The following ABLIM2 variants were observed in gnomAD, a reference collection of about 807,000 sequenced individuals.
ABLIM2 encodes the protein actin-binding LIM protein 2.
Under a neutral mutation model 97.7 loss-of-function variants are expected in ABLIM2, and 53 were observed. The ratio of observed to expected loss-of-function variants is 0.54; its 90% CI spans 0.44 to 0.68. The LOEUF (loss-of-function observed/expected upper bound fraction) is 0.68, where lower values mean the gene tolerates loss of function less well. ABLIM2 is among the 30% of genes least tolerant of loss of function. The pLI is 0.00. For synonymous variants in ABLIM2, 361 were observed against 345.8 expected (o/e 1.04, Z -0.49); for missense variants, 835 against 867.2 (o/e 0.96, Z 0.47).
At chr4:8,037,604 A>G in intron 9 of ABLIM2, among the ~76,000 whole-genome samples, 1 of 151,472 alleles carries the variant, frequency 6.6e-6, no homozygotes, top group Non-Finnish European at 1.5e-5. Flanking sequence ...TTCACCCACA[A>G]ACGTGCATGC....
chr4:8,065,244 C>A (rs1018250855), intron 6 of ABLIM2, among the ~76,000 whole-genome samples: 2 of 152,110 alleles, frequency 1.3e-5, no homozygotes, highest in Non-Finnish European at 2.9e-5. Flanking sequence ...AGAGTGAAAC[C>A]CAGACTCTTA....
intron 18 of ABLIM2, 81 bp downstream of exon 18, chr4:7,984,758 G>T (rs1002377407): frequency 4.2e-6 from 6 of 1,428,086 alleles, no homozygotes; most frequent in Non-Finnish European, 5.7e-6. Flanking sequence ...TGCGGATGGG[G>T]TGGTTTCAGA....
rs376522505 is a variant in ABLIM2 at position 8,059,984 on chromosome 4, C to T, written c.763+983G>A. Among the ~76,000 whole-genome samples, 180 of 151,798 alleles carry T rather than the reference C, an allele frequency of 1.2e-3. 1 individual carries two copies. Among genetic ancestry groups the T allele is most frequent in the African/African-American group, 4.3e-3 (177 of 41,372 alleles). The stretch of plus-strand genomic sequence containing the variant: ...ATCTGCCCCTGCGTGTCCTGTGTGT[C>T]CTCATTTCTCTGGGCCACCCTTTGC... On this transcript the variant is annotated intron_variant, in intron 7 of 20. Coordinates refer to ENST00000447017, the MANE Select transcript of ABLIM2 (RefSeq NM_001130083.2).
At chr4:8,137,807 C>T (rs1192048004) in intron 1 of ABLIM2, among the ~76,000 whole-genome samples, 1 of 152,238 alleles carries the variant, frequency 6.6e-6, no homozygotes, top group African/African-American at 2.4e-5. Flanking sequence ...GGCAGTCCCA[C>T]TTTCTGGGTA....
At chr4:8,108,873 T>C (rs1838851542) in intron 1 of ABLIM2, among the ~76,000 whole-genome samples, 1 of 152,238 alleles carries the variant, frequency 6.6e-6, no homozygotes, top group African/African-American at 2.4e-5. Flanking sequence ...GCTCCCCCTG[T>C]CTTGGTCTGG....
At chr4:7,984,977 T>C (rs1294633793) in intron 17 of ABLIM2, 84 bp from the exon 18 acceptor site, 1 of 1,451,764 alleles carries the variant, frequency 6.9e-7, no homozygotes, top group African/African-American at 1.4e-5. Flanking sequence ...ATGTGGCCCC[T>C]TGGAGGCCGA....
intron 6 of ABLIM2, among the ~76,000 whole-genome samples, chr4:8,076,679 G>T (rs1287119374): frequency 6.6e-6 from 1 of 150,678 alleles, no homozygotes; most frequent in Non-Finnish European, 1.5e-5. Context: ...CAGGGATGGG[G>T]ACAGTCCACC....
At chr4:8,103,735 G>T (rs763790845) in intron 2 of ABLIM2, among the ~76,000 whole-genome samples, 1 of 152,216 alleles carries the variant, frequency 6.6e-6, no homozygotes, top group Non-Finnish European at 1.5e-5. Context: ...GGCTGAAATG[G>T]CCTGCCCAGG....
intron 8 of ABLIM2, among the ~76,000 whole-genome samples, chr4:8,049,345 C>T (rs773971043): frequency 1.4e-4 from 22 of 152,340 alleles, no homozygotes; most frequent in Non-Finnish European, 2.5e-4. Context: ...TTCTCACCTC[C>T]GCTGAGCACC....
At position 8,017,006 on chromosome 4, in the gene ABLIM2, T is replaced by A. The variant is rs1437680842; in HGVS notation, c.1423+2612A>T. On this transcript the variant is annotated intron_variant, in intron 14 of 20. Coordinates refer to ENST00000447017, the MANE Select transcript of ABLIM2 (RefSeq NM_001130083.2). Reference sequence around the variant, plus strand: ...TTCAACATATTTGGAGATACTTCTCTCCGGTTTTTTAGGTCAACACTCCTA... The same window carrying A: ...TTCAACATATTTGGAGATACTTCTCACCGGTTTTTTAGGTCAACACTCCTA... Among the ~76,000 whole-genome samples the A allele has an allele frequency of 2.0e-5, 3 of 152,214 alleles. No individual in the cohort carries two copies. In the East Asian group the frequency reaches 5.8e-4, roughly 29 times the overall value.
At position 8,023,476 on chromosome 4, in the gene ABLIM2, G is replaced by A. The variant is rs1405264200; in HGVS notation, c.1268-3173C>T. ...GAGAAGGAAGCCCATGAGGTGAAGT[G>A]TCCTCACCACATCCTATCAAGGGCA... On this transcript the variant is annotated intron_variant, in intron 12 of 20. Coordinates refer to ENST00000447017, the MANE Select transcript of ABLIM2 (RefSeq NM_001130083.2). The surrounding 1 kb of genome is among the most constrained non-coding windows in gnomAD (Gnocchi z 5.7). Among the ~76,000 whole-genome samples, 1 of 152,230 alleles carries A rather than the reference G, an allele frequency of 6.6e-6. No individual in the cohort carries two copies. Among genetic ancestry groups the A allele is most frequent in the Non-Finnish European group, 1.5e-5 (1 of 68,050 alleles).
intron 14 of ABLIM2, among the ~76,000 whole-genome samples, chr4:8,017,404 A>G (rs1770189693): frequency 6.6e-6 from 1 of 151,550 alleles, no homozygotes; most frequent in South Asian, 2.1e-4. Flanking sequence ...CTCCTGCCTC[A>G]GCCTCCCGAG....
At chr4:8,040,925 G>T (rs1024998769) in intron 9 of ABLIM2, among the ~76,000 whole-genome samples, 1 of 152,212 alleles carries the variant, frequency 6.6e-6, no homozygotes, top group Non-Finnish European at 1.5e-5. Context: ...TCTCAGAGTG[G>T]CATCAGCGAC....
At position 8,113,985 on chromosome 4, in the gene ABLIM2, A is replaced by G. The variant is rs1841575821; in HGVS notation, c.11-7348T>C. Among the ~76,000 whole-genome samples, 1 of 152,072 alleles carries G rather than the reference A, an allele frequency of 6.6e-6. No individual in the cohort carries two copies. Among genetic ancestry groups the G allele is most frequent in the Non-Finnish European group, 1.5e-5 (1 of 68,014 alleles). ...GGGAGGGCTTCTGGGAGGAGGTGAC[A>G]TAAACTAGAAGCTCAGAGGATGGAC... On this transcript the variant is annotated intron_variant, in intron 1 of 20. Coordinates refer to ENST00000447017, the MANE Select transcript of ABLIM2 (RefSeq NM_001130083.2). The surrounding 1 kb of genome is among the most constrained non-coding windows in gnomAD (Gnocchi z 4.5).
chr4:8,078,825 C>T (rs1047793305), intron 5 of ABLIM2, among the ~76,000 whole-genome samples: 12 of 152,258 alleles, frequency 7.9e-5, no homozygotes, highest in Non-Finnish European at 1.3e-4. Context: ...CTAACCAGGG[C>T]TGTCCTCTCA....
At chr4:8,024,041 G>GAA (rs1343380543) in intron 12 of ABLIM2, among the ~76,000 whole-genome samples, 4 of 152,216 alleles carry the variant, frequency 2.6e-5, no homozygotes, top group African/African-American at 9.6e-5. Context: ...CGATGCTTCA[G>GAA]TTATGAGGAC....
chr4:8,078,010 C>T (rs976884497), intron 5 of ABLIM2, among the ~76,000 whole-genome samples: 1 of 152,204 alleles, frequency 6.6e-6, no homozygotes, highest in African/African-American at 2.4e-5. Flanking sequence ...TTCTGGGAAA[C>T]GAGAGCTGCT....
At chr4:7,984,380 G>A (rs1425613908) in intron 18 of ABLIM2, among the ~76,000 whole-genome samples, 1 of 152,224 alleles carries the variant, frequency 6.6e-6, no homozygotes, top group Non-Finnish European at 1.5e-5. Context: ...CCTGTGGGAG[G>A]TGTCAGGCAC....
intron 1 of ABLIM2, among the ~76,000 whole-genome samples, chr4:8,136,649 G>A: frequency 6.6e-6 from 1 of 152,220 alleles, no homozygotes; most frequent in East Asian, 1.9e-4. Context: ...GTGGTCTGCA[G>A]GGCATCTGCC....
Sources: allele counts gnomAD v4.1 joint callset (sites outside exome capture counted in the v4.1 genomes callset), GRCh38; gene constraint gnomAD v4.1.1; non-coding constraint Gnocchi (gnomAD v3.1); transcripts MANE v1.5; gene names NCBI Gene and HGNC (gene_info 2026-07-23, HGNC 2026-07-21).